Variants in HEATR6 observed in about 807,000 individuals in gnomAD.
The protein encoded by HEATR6 is HEAT repeat containing 6, also known as HEAT repeat-containing protein 6.
HEATR6 carries 106 observed loss-of-function variants against 132.8 expected under a neutral mutation model. The ratio of observed to expected loss-of-function variants is 0.80; its 90% CI spans 0.68 to 0.94. The LOEUF (loss-of-function observed/expected upper bound fraction) is 0.94, where lower values mean the gene tolerates loss of function less well. Ranked by LOEUF, HEATR6 falls within the 40% of genes least tolerant of loss-of-function variation. The pLI is 0.00. For synonymous variants in HEATR6, 529 were observed against 537.8 expected, an observed-to-expected ratio of 0.98 and a Z score of 0.23; for missense variants, 1,339 against 1,425.1, an observed-to-expected ratio of 0.94 and a Z score of 0.97.
At chr17:60,076,062 G>A in intron 2 of HEATR6, 68 bp downstream of exon 2, 1 of 906,140 alleles carries the variant, frequency 1.1e-6, no homozygotes, top group Non-Finnish European at 1.8e-6. Flanking sequence ...TACAGATGTA[G>A]TATTTCAAAG....
At chr17:60,074,627 G>C (rs1363232840) in intron 2 of HEATR6, among the ~76,000 whole-genome samples, 1 of 152,210 alleles carries the variant, frequency 6.6e-6, no homozygotes, top group Admixed American at 6.5e-5. Flanking sequence ...TGCTGGCAGA[G>C]TACTAATTTA....
At position 60,046,068 on chromosome 17, in the gene HEATR6, A is replaced by G. The variant is rs1906354580; in HGVS notation, c.2931T>C (p.Cys977=). The G allele has an allele frequency of 1.9e-6, 3 of 1,614,156 alleles. No individual in the cohort carries two copies. Among genetic ancestry groups the G allele is most frequent in the Non-Finnish European group, 2.5e-6 (3 of 1,180,016 alleles). The stretch of plus-strand genomic sequence containing the variant: ...TTTTAAATACATTTCCCATTGCATA[A>G]CAAGCATTCCATCGGACTTTCATGG... ...EAAMKVRWNA[C]YAMGNVFKNP... The change falls in exon 19 of 20, where the codon TGT becomes TGC. Residue 977 remains cysteine (C), a synonymous_variant. Transcript: ENST00000184956.
intron 12 of HEATR6, 23 bp downstream of exon 12, chr17:60,057,025 G>A (rs750365484): frequency 2.7e-6 from 4 of 1,506,122 alleles, no homozygotes; most frequent in East Asian, 4.5e-5. Flanking sequence ...CCATTTCAGA[G>A]ATGAGGAAAT....
Position 60,057,226 on chromosome 17 carries a change from G to T in HEATR6, c.1901C>A (p.Pro634His). The T allele has an allele frequency of 6.2e-7, 1 of 1,614,176 alleles. No individual in the cohort carries two copies. The highest frequency in any genetic ancestry group is 8.5e-7 in the Non-Finnish European group (1 of 1,180,034). The change falls in exon 12 of 20, where the codon CCC (proline) becomes CAC (histidine). Residue 634 changes from proline to histidine, a missense_variant. Pro to His is a moderately conservative substitution (Grantham distance 77). Transcript: ENST00000184956. ...GCTAACTGACGTTTCTTCCAGAGAG[G>T]GTCCTGCAGGGGCTTTCTTCCACCA... ...PDWWKKAPAG[P>H]SLEETSVSSP...
intron 2 of HEATR6, 23 bp downstream of exon 2, chr17:60,076,107 T>C: frequency 7.5e-7 from 1 of 1,341,710 alleles, no homozygotes; most frequent in Non-Finnish European, 1.1e-6. Flanking sequence ...TGATCTGAAT[T>C]CTAGAGTTAC....
intron 4 of HEATR6, 39 bp downstream of exon 4, chr17:60,073,123 CTA>C: frequency 8.3e-7 from 1 of 1,197,846 alleles, no homozygotes; most frequent in Non-Finnish European, 1.2e-6. Flanking sequence ...AATAGAGGCA[CTA>C]TCTTATTACC....
At chr17:60,077,407 C>T (rs2145205094) in intron 1 of HEATR6, among the ~76,000 whole-genome samples, 1 of 152,280 alleles carries the variant, frequency 6.6e-6, no homozygotes, top group Admixed American at 6.5e-5. Context: ...GGGGGAGTAA[C>T]AGGAGAGAAT....
rs1690260918 is a variant in HEATR6, at chr17:60,052,364, T to G, written c.2290-1387A>C. The stretch of plus-strand genomic sequence containing the variant: ...TGTGAGAAAATAAATGTACATTGCT[T>G]TAAGCTGCTAAATGCTTAATTTGTT... On this transcript the variant is annotated intron_variant, in intron 14 of 19. Coordinates refer to ENST00000184956, the MANE Select transcript of HEATR6 (RefSeq NM_022070.5). 2.0e-5 allele frequency among the ~76,000 whole-genome samples: 3 copies of G among 152,226 alleles called. No homozygotes were observed. In the South Asian group the frequency reaches 6.2e-4, roughly 32 times the overall value.
intron 9 of HEATR6, 35 bp downstream of exon 9, chr17:60,066,174 T>A: frequency 6.5e-7 from 1 of 1,547,466 alleles, no homozygotes; most frequent in Non-Finnish European, 8.9e-7. Context: ...AATTTTTTCT[T>A]CCTATTATAA....
chr17:60,066,437 A>T lies in HEATR6; in HGVS notation c.1239-51T>A, dbSNP rs185152369. 3,612 of 1,296,258 alleles carry T rather than the reference A, an allele frequency of 2.8e-3. 8 individuals carry two copies. Among genetic ancestry groups the T allele is most frequent in the Admixed American group, 4.2e-3 (167 of 40,202 alleles). 80.3% of individuals were successfully genotyped at this position (1,296,258 alleles called of 1,614,324 possible). A position where few individuals can be genotyped will look rare whatever the true frequency, so the allele number is the denominator to read the frequency against. ...AAAACACTTAAAAAATCATTTTTTT[A>T]AAAAAAATGCAAACATGAAATGGTA... On this transcript the variant is annotated intron_variant, in intron 8 of 19. Transcript: ENST00000184956.
intron 19 of HEATR6, among the ~76,000 whole-genome samples, chr17:60,044,851 T>G (rs1191387340): frequency 2.6e-5 from 4 of 152,186 alleles, no homozygotes; most frequent in Non-Finnish European, 5.9e-5. Context: ...TTCCATTTGG[T>G]GGATGCCAGT....
At chr17:60,064,513 G>T (rs557542350) in intron 9 of HEATR6, 1 of 151,834 alleles carries the variant, frequency 6.6e-6, no homozygotes, top group Non-Finnish European at 1.5e-5. Context: ...TCTTAAGTAC[G>T]ATCATTTCAC....
chr17:60,047,234 C>T, intron 18 of HEATR6, 75 bp downstream of exon 18: 1 of 932,462 alleles, frequency 1.1e-6, no homozygotes, highest in Non-Finnish European at 1.7e-6. Context: ...CATCAAGCCA[C>T]ACTGAACTAC....
intron 19 of HEATR6, among the ~76,000 whole-genome samples, chr17:60,044,916 CAG>C (rs1159633153): frequency 1.3e-5 from 2 of 152,252 alleles, no homozygotes; most frequent in Non-Finnish European, 2.9e-5. Flanking sequence ...TCCGACCCGT[CAG>C]AGTCCTTTAT....
At position 60,067,481 on chromosome 17, in the gene HEATR6, A is replaced by G. The variant is rs749725370; in HGVS notation, c.1191T>C (p.Ser397=). ...CTTCAGCATCAGAAAAGTCTGACTCACTACTGCTGACCCTTTTCCAACTGG... is the reference window on the plus strand; with the variant it reads ...CTTCAGCATCAGAAAAGTCTGACTCGCTACTGCTGACCCTTTTCCAACTGG... The part of the protein sequence containing the change: ...SSSSWKRVSS[S]ESDFSDAEGG... The change falls in exon 8 of 20, where the codon AGT becomes AGC. Residue 397 remains serine (S), a synonymous_variant. Coordinates refer to ENST00000184956, the MANE Select transcript of HEATR6 (RefSeq NM_022070.5). The G allele has an allele frequency of 6.3e-7, 1 of 1,590,404 alleles. No homozygotes were observed.
At chr17:60,058,750 C>G (rs368030984) in intron 11 of HEATR6, among the ~76,000 whole-genome samples, 15 of 152,316 alleles carry the variant, frequency 9.8e-5, no homozygotes, top group South Asian at 6.2e-4. Flanking sequence ...CTTCAGGTCC[C>G]ATGCTCTTCC....
In HEATR6 at chr17:60,050,948, G is replaced by A. The variant is rs780537093; in HGVS notation, c.2319C>T (p.Asn773=). 11 of 1,614,026 alleles carry A rather than the reference G, an allele frequency of 6.8e-6. No homozygotes were observed. Among genetic ancestry groups the A allele is most frequent in the South Asian group, 2.2e-5 (2 of 91,074 alleles). Residue 773 remains asparagine, a synonymous_variant, in exon 15 of 20, where the codon AAC becomes AAT. Coordinates refer to ENST00000184956, the MANE Select transcript of HEATR6 (RefSeq NM_022070.5). ...TCTGCAGGGCTCTGGGTAAAGGACC[G>A]TTCAGCATCATAGTCCAGAACATCA... The part of the protein sequence containing the change: ...LVVMFWTMML[N]GPLPRALQNS...
chr17:60,053,916 C>T (rs1251333949), intron 14 of HEATR6, among the ~76,000 whole-genome samples: 1 of 152,190 alleles, frequency 6.6e-6, no homozygotes, highest in Non-Finnish European at 1.5e-5. Flanking sequence ...TGCACCCTGG[C>T]CCTGTACTAG....
intron 10 of HEATR6, 86 bp downstream of exon 10, chr17:60,059,804 A>T (rs1448137238): frequency 3.1e-6 from 3 of 976,414 alleles, no homozygotes; most frequent in African/African-American, 1.6e-5. Context: ...TTATATTCTT[A>T]AGTCAAGTTA....
Sources: gnomAD v4.1 joint callset for allele counts (sites outside exome capture counted in the v4.1 genomes callset) on GRCh38, gnomAD v4.1.1 for gene constraint, MANE v1.5 for transcripts, NCBI Gene and HGNC (gene_info 2026-07-23, HGNC 2026-07-21) for gene names.